Variants in ALOX5 observed in about 807,000 individuals in gnomAD.
The protein encoded by ALOX5 is polyunsaturated fatty acid 5-lipoxygenase.
ALOX5 carries 64 observed loss-of-function variants against 87.9 expected under a neutral mutation model. That is an observed-to-expected ratio of 0.73 (90% confidence interval 0.60 to 0.90). ALOX5 has a LOEUF of 0.90. Ranked by LOEUF, ALOX5 falls within the 40% of genes least tolerant of loss-of-function variation. The probability of loss-of-function intolerance (pLI) is 0.00; values close to 1 mark genes in which losing one functional copy is unlikely to be tolerated. For synonymous variants in ALOX5, 388 were observed against 355.1 expected (o/e 1.09, Z -1.04); for missense variants, 822 against 907.5 (o/e 0.91, Z 1.21).
At chr10:45,430,501 T>TA (rs1286334857) in intron 7 of ALOX5, among the ~76,000 whole-genome samples, 5 of 152,010 alleles carry the variant, frequency 3.3e-5, no homozygotes, top group African/African-American at 1.2e-4. Flanking sequence ...ACCATGGTGG[T>TA]ACACAACTGT....
intron 2 of ALOX5, among the ~76,000 whole-genome samples, chr10:45,388,199 G>A (rs765634561): frequency 6.6e-6 from 1 of 152,216 alleles, no homozygotes; most frequent in South Asian, 2.1e-4. Flanking sequence ...CAGCAAGCTC[G>A]AACTGGGTGG....
chr10:45,437,314 C>T (rs1842089720), intron 7 of ALOX5, among the ~76,000 whole-genome samples: 1 of 152,226 alleles, frequency 6.6e-6, no homozygotes, highest in Non-Finnish European at 1.5e-5. Context: ...GATCACACCA[C>T]TGCACTCCAG....
At chr10:45,403,173 G>A (rs1840761162) in intron 3 of ALOX5, among the ~76,000 whole-genome samples, 1 of 152,140 alleles carries the variant, frequency 6.6e-6, no homozygotes, top group African/African-American at 2.4e-5. Flanking sequence ...TGTGCGCCTG[G>A]ATACTCACAA....
chr10:45,395,965 A>C (rs762189819), intron 3 of ALOX5, 29 bp downstream of exon 3: 1 of 1,602,918 alleles, frequency 6.2e-7, no homozygotes, highest in Non-Finnish European at 8.5e-7. Context: ...TCGAGTGGCC[A>C]CGGGGCCATG....
intron 4 of ALOX5, among the ~76,000 whole-genome samples, chr10:45,422,731 C>T (rs182653839): frequency 6.6e-6 from 1 of 152,322 alleles, no homozygotes; most frequent in African/African-American, 2.4e-5. Context: ...AGATACACCC[C>T]ATGTGCGCAG....
chr10:45,381,243 A>G (rs1839816563), intron 1 of ALOX5, among the ~76,000 whole-genome samples: 1 of 152,224 alleles, frequency 6.6e-6, no homozygotes, highest in Non-Finnish European at 1.5e-5. Flanking sequence ...CCCTGCCACC[A>G]GTAATGCCAC....
chr10:45,441,379 C>T lies in ALOX5; in HGVS notation c.1221C>T (p.Ile407=). 3.1e-6 allele frequency: 5 copies of T among 1,613,926 alleles called. No homozygotes were observed. Among genetic ancestry groups the T allele is most frequent in the Non-Finnish European group, 4.2e-6 (5 of 1,179,830 alleles). The stretch of plus-strand genomic sequence containing the variant: ...CACACGTGAGATTCACCATTGCAAT[C>T]AACACCAAGGCCCGTGAGCAGCTCA... The part of the protein sequence containing the change: ...LVAHVRFTIA[I]NTKAREQLIC... The change falls in exon 9 of 14, where the codon ATC becomes ATT. Residue 407 remains isoleucine, a synonymous_variant. Transcript: ENST00000374391.
intron 7 of ALOX5, among the ~76,000 whole-genome samples, chr10:45,435,669 C>G (rs1390580851): frequency 6.6e-6 from 1 of 152,194 alleles, no homozygotes; most frequent in South Asian, 2.1e-4. Context: ...TTTTCTTTAT[C>G]TGGTGCCACT....
Position 45,440,474 on chromosome 10 carries a change from G to T in ALOX5, c.1026G>T (p.Ser342=). The change falls in exon 8 of 14, where the codon TCG becomes TCT. Residue 342 remains serine (S), a synonymous_variant. Coordinates refer to ENST00000374391, the MANE Select transcript of ALOX5 (RefSeq NM_000698.5). ...ATGAGAACCCTATTTTCCTCCCTTC[G>T]GATGCAAAATACGACTGGCTTTTGG... ...PGDENPIFLP[S]DAKYDWLLAK... 6.2e-7 allele frequency: 1 copy of T among 1,614,168 alleles called. No individual in the cohort carries two copies. The highest frequency in any genetic ancestry group is 8.5e-7 in the Non-Finnish European group (1 of 1,180,034).
intron 2 of ALOX5, among the ~76,000 whole-genome samples, chr10:45,391,051 C>CCCTCT: frequency 1.1e-5 from 1 of 93,164 alleles, no homozygotes; most frequent in African/African-American, 4.7e-5. Context: ...TCTCCCCTCT[C>CCCTCT]CCCTCTCCCT....
At chr10:45,436,702 G>A (rs1450797556) in intron 7 of ALOX5, among the ~76,000 whole-genome samples, 1 of 151,998 alleles carries the variant, frequency 6.6e-6, no homozygotes, top group African/African-American at 2.4e-5. Context: ...CTCCAGCTTT[G>A]TATTTTTGCC....
chr10:45,398,139 G>A (rs1389583889), intron 3 of ALOX5, among the ~76,000 whole-genome samples: 1 of 152,190 alleles, frequency 6.6e-6, no homozygotes, highest in Non-Finnish European at 1.5e-5. Flanking sequence ...ATCGGCATAA[G>A]GATAGATATA....
chr10:45,438,073 A>G (rs1407348670), intron 7 of ALOX5, among the ~76,000 whole-genome samples: 1 of 151,986 alleles, frequency 6.6e-6, no homozygotes, highest in African/African-American at 2.4e-5. Flanking sequence ...AGGAATCTTC[A>G]GGGTTTTCTA....
intron 4 of ALOX5, among the ~76,000 whole-genome samples, chr10:45,418,038 G>A (rs904621997): frequency 1.3e-5 from 2 of 152,228 alleles, no homozygotes; most frequent in African/African-American, 2.4e-5. Flanking sequence ...CTATTGGCAG[G>A]AGCAGAGCGA....
intron 4 of ALOX5, among the ~76,000 whole-genome samples, chr10:45,418,707 G>A (rs1443850983): frequency 6.6e-6 from 1 of 152,196 alleles, no homozygotes; most frequent in Non-Finnish European, 1.5e-5. Context: ...AGAGACTGTG[G>A]GCACAGGTGT....
At chr10:45,428,584 G>A in intron 6 of ALOX5, 34 bp from the exon 7 acceptor site, 1 of 1,612,430 alleles carries the variant, frequency 6.2e-7, no homozygotes, top group South Asian at 1.1e-5. Flanking sequence ...CGTCTGCTGA[G>A]CCTGATTTGG....
chr10:45,396,018 C>T lies in ALOX5; in HGVS notation c.431+82C>T, dbSNP rs570488521. 12 of 1,420,432 alleles carry T rather than the reference C, an allele frequency of 8.4e-6. No individual in the cohort carries two copies. The African/African-American group carries it at 1.3e-4, about 15-fold the overall frequency. 88.0% of individuals were successfully genotyped at this position (1,420,432 alleles called of 1,614,324 possible). A position where few individuals can be genotyped will look rare whatever the true frequency, so the allele number is the denominator to read the frequency against. On this transcript the variant is annotated intron_variant, in intron 3 of 13. Transcript: ENST00000374391. ...AGCATGGTATGAAATAAACCCTTTC[C>T]ACAGTGTATGGCCTGTCACTGCTGG...
rs189921909 is a variant in ALOX5, at chr10:45,388,855, G to A, written c.349+6174G>A. Among the ~76,000 whole-genome samples, 45 of 152,352 alleles carry A rather than the reference G, an allele frequency of 3.0e-4. No individual in the cohort carries two copies. The East Asian group carries it at 6.0e-3, about 20-fold the overall frequency. The stretch of plus-strand genomic sequence containing the variant: ...AAGCTGGATGGAGAATGACTTTGAC[G>A]AGTTGAGAGAAGAAGGCTTCAGATG... On this transcript the variant is annotated intron_variant, in intron 2 of 13. Coordinates refer to ENST00000374391, the MANE Select transcript of ALOX5 (RefSeq NM_000698.5).
chr10:45,412,014 T>A (rs1841080784), intron 3 of ALOX5, among the ~76,000 whole-genome samples, 177 bp from the exon 4 acceptor site: 1 of 152,178 alleles, frequency 6.6e-6, no homozygotes, highest in Non-Finnish European at 1.5e-5. Flanking sequence ...GCGACTGGAC[T>A]TTGGAAGAGG....
Sources: allele counts gnomAD v4.1 joint callset (sites outside exome capture counted in the v4.1 genomes callset), GRCh38; gene constraint gnomAD v4.1.1; transcripts MANE v1.5; gene names NCBI Gene and HGNC (gene_info 2026-07-23, HGNC 2026-07-21).